Variants in NRXN3 observed in about 807,000 individuals in gnomAD.
NRXN3 encodes the protein neurexin 3, also known as neurexin III.
NRXN3 carries 32 observed loss-of-function variants against 137.6 expected under a neutral mutation model. That is an observed-to-expected ratio of 0.23 (90% CI 0.18 to 0.31). The LOEUF (loss-of-function observed/expected upper bound fraction) is 0.31, where lower values mean the gene tolerates loss of function less well. Ranked by LOEUF, NRXN3 falls within the 10% of genes least tolerant of loss-of-function variation. The pLI is 1.00. For missense variants in NRXN3, 1,574 were observed against 2,062.5 expected, an observed-to-expected ratio of 0.76 and a Z score of 4.59; for synonymous variants, 798 against 784.5, an observed-to-expected ratio of 1.02 and a Z score of -0.29.
intron 19 of NRXN3, among the ~76,000 whole-genome samples, chr14:79,776,455 A>G (rs2099097377): frequency 6.6e-6 from 1 of 152,186 alleles, no homozygotes; most frequent in Non-Finnish European, 1.5e-5. Context: ...GTCAAATAAC[A>G]AAACTCTCCA....
At chr14:78,719,089 G>A (rs1188861422) in intron 8 of NRXN3, among the ~76,000 whole-genome samples, 1 of 152,182 alleles carries the variant, frequency 6.6e-6, no homozygotes, top group Non-Finnish European at 1.5e-5. Flanking sequence ...GCAAAGCCAA[G>A]GGTTTGATTT....
chr14:79,088,348 A>C (rs1256646840), intron 15 of NRXN3, among the ~76,000 whole-genome samples: 2 of 149,464 alleles, frequency 1.3e-5, no homozygotes, highest in African/African-American at 5.1e-5. Context: ...ACCTCCTGCT[A>C]AAGGTGGTAA....
intron 1 of NRXN3, among the ~76,000 whole-genome samples, chr14:78,217,418 A>T (rs1463434546): frequency 1.3e-5 from 2 of 152,200 alleles, no homozygotes; most frequent in African/African-American, 4.8e-5. Context: ...TCTAGTGGGT[A>T]GAGGCCAGGG....
At chr14:78,411,994 C>A (rs907562774) in intron 4 of NRXN3, among the ~76,000 whole-genome samples, 3 of 152,168 alleles carry the variant, frequency 2.0e-5, no homozygotes, top group Non-Finnish European at 2.9e-5. Flanking sequence ...CTTAATCTTT[C>A]TATTTCTCAA....
intron 15 of NRXN3, among the ~76,000 whole-genome samples, chr14:79,012,360 G>A (rs1360466893): frequency 6.6e-6 from 1 of 152,142 alleles, no homozygotes; most frequent in Non-Finnish European, 1.5e-5. Context: ...CTAGAAGAAT[G>A]ACTAGACTGA....
intron 15 of NRXN3, among the ~76,000 whole-genome samples, chr14:79,388,647 A>T (rs1462949726): frequency 2.6e-5 from 4 of 151,532 alleles, no homozygotes; most frequent in African/African-American, 4.9e-5. Context: ...GTATCCAGGG[A>T]CTCCAGTTCA....
chr14:79,143,771 T>C (rs2153005027), intron 15 of NRXN3, among the ~76,000 whole-genome samples: 1 of 152,330 alleles, frequency 6.6e-6, no homozygotes, highest in South Asian at 2.1e-4. Flanking sequence ...AAGTAATATT[T>C]TTTCTCCCTG....
intron 19 of NRXN3, among the ~76,000 whole-genome samples, chr14:79,768,534 G>A (rs929999722): frequency 6.6e-6 from 1 of 152,076 alleles, no homozygotes; most frequent in African/African-American, 2.4e-5. Context: ...ACATGGCAGG[G>A]TACTCCAACG....
intron 8 of NRXN3, among the ~76,000 whole-genome samples, chr14:78,732,382 T>C (rs930849485): frequency 1.3e-5 from 2 of 152,332 alleles, no homozygotes; most frequent in Admixed American, 6.5e-5. Context: ...CAGTCTACTA[T>C]AGTAGACTAC....
intron 16 of NRXN3, among the ~76,000 whole-genome samples, chr14:79,481,546 A>G (rs1471401260): frequency 6.6e-6 from 1 of 152,212 alleles, no homozygotes; most frequent in Non-Finnish European, 1.5e-5. Context: ...ATGCAGTGGT[A>G]TGTGTGTAGC....
chr14:79,835,216 C>T (rs2099336380), intron 20 of NRXN3, among the ~76,000 whole-genome samples: 2 of 152,056 alleles, frequency 1.3e-5, no homozygotes, highest in African/African-American at 4.8e-5. Flanking sequence ...TGAGGTAATG[C>T]CGGTATAATT....
At chr14:78,175,356 C>G (rs530530588) in intron 1 of NRXN3, among the ~76,000 whole-genome samples, 1 of 152,022 alleles carries the variant, frequency 6.6e-6, no homozygotes, top group Non-Finnish European at 1.5e-5. Flanking sequence ...ATTATTGTGC[C>G]CAATGCAGAG....
At chr14:78,520,213 A>G (rs2096267074) in intron 4 of NRXN3, among the ~76,000 whole-genome samples, 1 of 152,152 alleles carries the variant, frequency 6.6e-6, no homozygotes, top group South Asian at 2.1e-4. Flanking sequence ...TCCAATGGTG[A>G]GCTTATTATT....
chr14:78,931,030 A>T (rs936043579), intron 10 of NRXN3, among the ~76,000 whole-genome samples: 7 of 152,212 alleles, frequency 4.6e-5, no homozygotes, highest in Non-Finnish European at 5.9e-5. Flanking sequence ...AGTAAAAGGA[A>T]AATGTTTTCC....
intron 16 of NRXN3, among the ~76,000 whole-genome samples, chr14:79,514,937 A>G (rs938295374): frequency 6.3e-5 from 9 of 143,090 alleles, no homozygotes; most frequent in Non-Finnish European, 1.2e-4. Flanking sequence ...AGTGTTAGTC[A>G]CATATTTGCA....
Position 79,784,379 on chromosome 14 carries a change from T to C in NRXN3, c.4015-20733T>C, listed in dbSNP as rs567880486. 9.8e-5 allele frequency among the ~76,000 whole-genome samples: 15 copies of C among 152,326 alleles called. No individual in the cohort carries two copies. The South Asian group carries it at 3.1e-3, about 32-fold the overall frequency. On this transcript the variant is annotated intron_variant, in intron 19 of 20. Transcript: ENST00000335750. ...CAACTGAGTTGTTCAGAAATCTCTT[T>C]AAATTAGATTTAAAAGGTACTGGGT...
chr14:78,929,493 T>G (rs2099315583), intron 10 of NRXN3, among the ~76,000 whole-genome samples: 1 of 152,192 alleles, frequency 6.6e-6, no homozygotes, highest in Non-Finnish European at 1.5e-5. Flanking sequence ...TTGCTAAGGA[T>G]AATGGCCTCT....
chr14:79,814,778 A>G (rs2099246626), intron 20 of NRXN3, among the ~76,000 whole-genome samples: 1 of 152,190 alleles, frequency 6.6e-6, no homozygotes, highest in African/African-American at 2.4e-5. Flanking sequence ...TGTGTAGAAC[A>G]GTGCCTGTTC....
chr14:79,845,873 GGAGA>G lies in NRXN3; in HGVS notation c.4094-15458_4094-15455del, dbSNP rs1188914144. On this transcript the variant is annotated intron_variant, in intron 20 of 20. Coordinates refer to ENST00000335750, the MANE Select transcript of NRXN3 (RefSeq NM_001330195.2). ...GAGGGAGACGGGGAGAGAGAGAGAT[GGAGA>G]GAGAGAGAGATGGAGAGAAAGACAG... is the stretch of plus-strand genomic sequence containing the variant. Among the ~76,000 whole-genome samples, 48 of 19,302 alleles carry G rather than the reference GGAGA, an allele frequency of 2.5e-3. 3 individuals carry two copies. The highest frequency in any genetic ancestry group is 6.8e-3 in the East Asian group (1 of 146). The allele number at this position is 19,302 out of a possible 152,430, so 12.7% of individuals were successfully genotyped here. A position where few individuals can be genotyped will look rare whatever the true frequency, so the allele number is the denominator to read the frequency against.
Sources: gnomAD v4.1 joint callset for allele counts (sites outside exome capture counted in the v4.1 genomes callset) on GRCh38, gnomAD v4.1.1 for gene constraint, MANE v1.5 for transcripts, NCBI Gene and HGNC (gene_info 2026-07-23, HGNC 2026-07-21) for gene names.